PPFIBP1: variants seen among roughly 807,000 people sequenced by gnomAD.
PPFIBP1 encodes liprin-beta-1.
PPFIBP1 carries 112 observed loss-of-function variants against 137.8 expected under a neutral mutation model. The ratio of observed to expected loss-of-function variants is 0.81; its 90% CI spans 0.70 to 0.95. The LOEUF is 0.95. Among genes scored for constraint, PPFIBP1 ranks in the 40% least tolerant of loss-of-function variants. The probability of loss-of-function intolerance (pLI) is 0.00; values close to 1 mark genes in which losing one functional copy is unlikely to be tolerated. For synonymous variants in PPFIBP1, 378 were observed against 417.3 expected (o/e 0.91, Z 1.15); for missense variants, 1,083 against 1,196.6 (o/e 0.91, Z 1.40).
chr12:27,583,558 G>T (rs1480242479), intron 2 of PPFIBP1, among the ~76,000 whole-genome samples: 1 of 152,138 alleles, frequency 6.6e-6, no homozygotes. Flanking sequence ...TCCTGAGGTC[G>T]CACAGAGGCC....
At position 27,683,675 on chromosome 12, in the gene PPFIBP1, T is replaced by G. The variant is rs1003221627; in HGVS notation, c.2247+972T>G. On this transcript the variant is annotated intron_variant, in intron 24 of 29. Coordinates refer to ENST00000228425, the MANE Select transcript of PPFIBP1 (RefSeq NM_003622.4). ...GCCAATGTGTAGGACTATTCCCTGCTTTACAGCAGTGAGAAAGATGGATTC... is the reference window on the plus strand; with the variant it reads ...GCCAATGTGTAGGACTATTCCCTGCGTTACAGCAGTGAGAAAGATGGATTC... 2.6e-5 allele frequency among the ~76,000 whole-genome samples: 4 copies of G among 152,266 alleles called. No homozygotes were observed. In the East Asian group the frequency reaches 7.7e-4, roughly 29 times the overall value.
chr12:27,607,547 G>C (rs2054644926), intron 2 of PPFIBP1, among the ~76,000 whole-genome samples: 1 of 152,174 alleles, frequency 6.6e-6, no homozygotes, highest in South Asian at 2.1e-4. Context: ...AGATTTCTGG[G>C]TCCCATACTC....
rs1456690852 is a variant in PPFIBP1 at position 27,674,188 on chromosome 12, A to G, written c.1381-4A>G. 2 of 1,594,740 alleles carry G rather than the reference A, an allele frequency of 1.3e-6. No homozygotes were observed. The highest frequency in any genetic ancestry group is 1.3e-5 in the African/African-American group (1 of 74,144). On this transcript the variant is annotated splice_region_variant and splice_polypyrimidine_tract_variant and intron_variant, in intron 16 of 29. Transcript: ENST00000228425. ...ACCTTAAATATTGTTATTGCTTTGAACAGGAAAAGGAAACTATTCAGAAGA... is the reference window on the plus strand; with the variant it reads ...ACCTTAAATATTGTTATTGCTTTGAGCAGGAAAAGGAAACTATTCAGAAGA...
intron 1 of PPFIBP1, among the ~76,000 whole-genome samples, chr12:27,554,503 A>G (rs1188686167): frequency 3.3e-5 from 5 of 152,310 alleles, no homozygotes; most frequent in South Asian, 4.2e-4. Context: ...AACGATGACA[A>G]TGGTAAAGTG....
intron 3 of PPFIBP1, among the ~76,000 whole-genome samples, chr12:27,634,393 A>G (rs2057503780): frequency 6.6e-6 from 1 of 152,072 alleles, no homozygotes; most frequent in South Asian, 2.1e-4. Context: ...ATTTCCAACC[A>G]GATATCTGTC....
chr12:27,604,789 G>A (rs1190885868), intron 2 of PPFIBP1, among the ~76,000 whole-genome samples: 3 of 152,144 alleles, frequency 2.0e-5, no homozygotes, highest in Admixed American at 6.5e-5. Flanking sequence ...AGACACACCC[G>A]AGACTGGGAA....
intron 2 of PPFIBP1, among the ~76,000 whole-genome samples, chr12:27,621,020 T>G (rs1171623417): frequency 6.6e-6 from 1 of 152,242 alleles, no homozygotes; most frequent in Non-Finnish European, 1.5e-5. Context: ...GAATAGTGCC[T>G]GATATGCAGT....
In PPFIBP1 at chr12:27,635,060, G is replaced by T. The variant is rs775649853; in HGVS notation, c.215G>T (p.Cys72Phe). 57 of 1,614,058 alleles carry T rather than the reference G, an allele frequency of 3.5e-5. No homozygotes were observed. Among genetic ancestry groups the T allele is most frequent in the Admixed American group, 3.0e-4 (18 of 59,998 alleles). ...ACAGATGAGAAAGAAGGCTTGAGAT[G>T]CCAGATCCCAGATTCAACAGCAGAA... ...METDEKEGLR[C>F]QIPDSTAETL... The change falls in exon 4 of 30, where the codon TGC becomes TTC. Residue 72 changes from cysteine (C) to phenylalanine (F), a missense_variant. Coordinates refer to ENST00000228425, the MANE Select transcript of PPFIBP1 (RefSeq NM_003622.4).
intron 2 of PPFIBP1, among the ~76,000 whole-genome samples, chr12:27,611,003 A>G (rs566885403): frequency 6.6e-5 from 10 of 152,332 alleles, no homozygotes; most frequent in Admixed American, 3.9e-4. Flanking sequence ...TCAAACTTTA[A>G]TGGACACTCT....
intron 2 of PPFIBP1, among the ~76,000 whole-genome samples, chr12:27,610,008 T>C (rs1352298388): frequency 6.6e-6 from 1 of 152,062 alleles, no homozygotes; most frequent in Non-Finnish European, 1.5e-5. Flanking sequence ...ATTTAGAAAA[T>C]GGTGCCCCTC....
At chr12:27,648,441 G>C (rs2058678282) in intron 6 of PPFIBP1, among the ~76,000 whole-genome samples, 1 of 152,154 alleles carries the variant, frequency 6.6e-6, no homozygotes, top group Admixed American at 6.5e-5. Flanking sequence ...ACAGTTTGGA[G>C]GTTCCTCAAA....
At chr12:27,631,733 T>G (rs2057285992) in intron 2 of PPFIBP1, among the ~76,000 whole-genome samples, 1 of 151,970 alleles carries the variant, frequency 6.6e-6, no homozygotes, top group Non-Finnish European at 1.5e-5. Flanking sequence ...TCGGTAACTA[T>G]TGTACCTATC....
At chr12:27,541,481 G>T (rs1655430241) in intron 1 of PPFIBP1, among the ~76,000 whole-genome samples, 1 of 152,150 alleles carries the variant, frequency 6.6e-6, no homozygotes, top group South Asian at 2.1e-4. Context: ...GGCATGTGTT[G>T]AGTCTGTGAG....
intron 2 of PPFIBP1, among the ~76,000 whole-genome samples, chr12:27,625,987 T>A (rs11608421): frequency 0.32 from 49,239 of 151,602 alleles, 8,584 homozygotes; most frequent in Middle Eastern, 0.39. Context: ...CCCCATTTTT[T>A]AAAAAAAGTA....
chr12:27,680,800 G>C (rs1042209432), intron 21 of PPFIBP1, among the ~76,000 whole-genome samples: 2 of 152,264 alleles, frequency 1.3e-5, no homozygotes, highest in Non-Finnish European at 2.9e-5. Context: ...TAAAGTACAA[G>C]ACATTGATAC....
intron 1 of PPFIBP1, among the ~76,000 whole-genome samples, chr12:27,524,851 A>T (rs1172879424): frequency 6.6e-6 from 1 of 152,214 alleles, no homozygotes; most frequent in Non-Finnish European, 1.5e-5. Flanking sequence ...ATCAATGTAA[A>T]ATATCCTTTT....
intron 2 of PPFIBP1, among the ~76,000 whole-genome samples, chr12:27,623,933 T>C (rs906336787): frequency 6.6e-6 from 1 of 152,054 alleles, no homozygotes; most frequent in Non-Finnish European, 1.5e-5. Context: ...ATAGCAGAAA[T>C]ACAGTCTGTT....
At chr12:27,612,270 C>G (rs1018849472) in intron 2 of PPFIBP1, among the ~76,000 whole-genome samples, 2 of 151,222 alleles carry the variant, frequency 1.3e-5, no homozygotes, top group African/African-American at 2.4e-5. Flanking sequence ...CCAAGCCTCT[C>G]TCTCTGCAGC....
chr12:27,570,920 A>C (rs531514564), intron 1 of PPFIBP1, among the ~76,000 whole-genome samples: 23 of 139,868 alleles, frequency 1.6e-4, no homozygotes, highest in African/African-American at 5.8e-4. Flanking sequence ...CAAAGAAAAA[A>C]ATAAAAATAA....
Sources: allele counts gnomAD v4.1 joint callset (sites outside exome capture counted in the v4.1 genomes callset), GRCh38; gene constraint gnomAD v4.1.1; transcripts MANE v1.5; gene names NCBI Gene and HGNC (gene_info 2026-07-23, HGNC 2026-07-21).